The following ABCC4 variants were observed in gnomAD, a reference collection of about 807,000 sequenced individuals.
ABCC4 encodes the protein ATP binding cassette subfamily C member 4 (PEL blood group), also known as ATP-binding cassette sub-family C member 4.
ABCC4 carries 102 observed loss-of-function variants against 168.5 expected under a neutral mutation model. The ratio of observed to expected loss-of-function variants is 0.61; its 90% confidence interval spans 0.52 to 0.71. The LOEUF is 0.71. ABCC4 is among the 30% of genes least tolerant of loss of function. The pLI, the probability that ABCC4 is intolerant of heterozygous loss-of-function variation, is 0.00. For synonymous variants in ABCC4, 617 were observed against 590.7 expected (o/e 1.04, Z -0.65); for missense variants, 1,402 against 1,605.8 (o/e 0.87, Z 2.17).
intron 20 of ABCC4, among the ~76,000 whole-genome samples, chr13:95,085,195 T>C (rs1486232615): frequency 1.3e-5 from 2 of 151,972 alleles, no homozygotes; most frequent in African/African-American, 4.8e-5. Flanking sequence ...TCCCAGCACT[T>C]TGGGAGGCAG....
chr13:95,169,365 T>C (rs56261894), intron 14 of ABCC4, among the ~76,000 whole-genome samples: 3,292 of 152,248 alleles, frequency 0.022, 120 homozygotes, highest in African/African-American at 0.076. Flanking sequence ...AGAGGATCTC[T>C]TAAAATCACA....
At chr13:95,267,755 T>A (rs2040723394) in intron 1 of ABCC4, among the ~76,000 whole-genome samples, 1 of 152,080 alleles carries the variant, frequency 6.6e-6, no homozygotes, top group Admixed American at 6.6e-5. Flanking sequence ...ACATAGTGGG[T>A]CCCTAGCAGC....
chr13:95,245,853 C>G (rs758107855), intron 3 of ABCC4, among the ~76,000 whole-genome samples: 3 of 147,052 alleles, frequency 2.0e-5, no homozygotes, highest in Non-Finnish European at 4.5e-5. Flanking sequence ...AGGAGCAAAC[C>G]CCCCCACATA....
intron 1 of ABCC4, among the ~76,000 whole-genome samples, chr13:95,275,217 G>A (rs566210994): frequency 6.6e-6 from 1 of 152,240 alleles, no homozygotes; most frequent in South Asian, 2.1e-4. Context: ...GAAGTTTGGA[G>A]AGGAAGGGCA....
chr13:95,292,289 G>A (rs1396226184), intron 1 of ABCC4, among the ~76,000 whole-genome samples: 1 of 152,174 alleles, frequency 6.6e-6, no homozygotes, highest in East Asian at 1.9e-4. Flanking sequence ...AGCCCAGGAG[G>A]TGAAAGTTGC....
At chr13:95,167,155 T>A (rs1054714131) in intron 14 of ABCC4, among the ~76,000 whole-genome samples, 2 of 151,278 alleles carry the variant, frequency 1.3e-5, no homozygotes, top group African/African-American at 4.9e-5. Flanking sequence ...CCAGCCTGGA[T>A]GACAAGAGCG....
At chr13:95,193,376 C>A (rs1303517311) in intron 9 of ABCC4, among the ~76,000 whole-genome samples, 1 of 152,190 alleles carries the variant, frequency 6.6e-6, no homozygotes, top group Non-Finnish European at 1.5e-5. Flanking sequence ...AGAAGAGACC[C>A]TCGCCCTCTG....
intron 1 of ABCC4, among the ~76,000 whole-genome samples, chr13:95,268,888 C>T (rs2040762640): frequency 1.3e-5 from 2 of 152,028 alleles, no homozygotes; most frequent in Admixed American, 1.3e-4. Context: ...AGCGGCGGTC[C>T]CCTGGGCCCA....
intron 17 of ABCC4, 72 bp from the exon 18 acceptor site, chr13:95,163,288 A>T (rs2037159072): frequency 9.2e-7 from 1 of 1,085,466 alleles, no homozygotes; most frequent in Non-Finnish European, 1.4e-6. Flanking sequence ...TTTAAAAATG[A>T]ACCACAATTT....
At chr13:95,094,095 C>A (rs1031832757) in intron 20 of ABCC4, among the ~76,000 whole-genome samples, 10 of 151,976 alleles carry the variant, frequency 6.6e-5, no homozygotes, top group African/African-American at 2.4e-4. Context: ...GTGAAAATGA[C>A]CATACTGCCA....
At chr13:95,196,604 G>A (rs1225141514) in intron 8 of ABCC4, among the ~76,000 whole-genome samples, 2 of 6,866 alleles carry the variant, frequency 2.9e-4, no homozygotes, top group East Asian at 6.0e-3. Flanking sequence ...AAGGAAGGAA[G>A]GAAGGAAGGA....
intron 20 of ABCC4, chr13:95,096,217 C>T: frequency 1.6e-6 from 1 of 621,996 alleles, no homozygotes; most frequent in Non-Finnish European, 2.8e-6. Flanking sequence ...AATGGGCTGG[C>T]AGCAGATTGG....
chr13:95,087,519 T>C (rs1200575729), intron 20 of ABCC4, among the ~76,000 whole-genome samples: 1 of 152,136 alleles, frequency 6.6e-6, no homozygotes, highest in Non-Finnish European at 1.5e-5. Context: ...CTCAATGAAA[T>C]GACTAACATA....
chr13:95,272,798 G>A (rs2040877538), intron 1 of ABCC4, among the ~76,000 whole-genome samples: 1 of 152,132 alleles, frequency 6.6e-6, no homozygotes, highest in Admixed American at 6.5e-5. Context: ...TGAGACAGGG[G>A]AATCGCTTGA....
intron 20 of ABCC4, among the ~76,000 whole-genome samples, chr13:95,108,220 C>T (rs1306642006): frequency 2.0e-5 from 3 of 152,170 alleles, no homozygotes; most frequent in African/African-American, 7.2e-5. Flanking sequence ...ACCACAATTT[C>T]TGAAAGGTTT....
Position 95,188,516 on chromosome 13 carries a change from G to T in ABCC4, c.1290C>A (p.Gly430=). ...DKASETPTLQ[G]LSFTVRPGEL... Reference sequence around the variant, plus strand: ...CGCCAGGTCTGACAGTAAAGGAAAGGCCTTGTAGAGTTGGGGTCTCTGATG... The same window carrying T: ...CGCCAGGTCTGACAGTAAAGGAAAGTCCTTGTAGAGTTGGGGTCTCTGATG... The change falls in exon 10 of 31, where the codon GGC becomes GGA. Residue 430 remains glycine (G), a synonymous_variant. Coordinates refer to ENST00000645237, the MANE Select transcript of ABCC4 (RefSeq NM_005845.5). The T allele has an allele frequency of 1.2e-6, 2 of 1,613,586 alleles. No individual in the cohort carries two copies. Among genetic ancestry groups the T allele is most frequent in the Non-Finnish European group, 1.7e-6 (2 of 1,179,592 alleles).
At chr13:95,082,761 TC>T (rs2034138294) in intron 21 of ABCC4, among the ~76,000 whole-genome samples, 1 of 152,206 alleles carries the variant, frequency 6.6e-6, no homozygotes, top group Non-Finnish European at 1.5e-5. Flanking sequence ...TTATTTTCCT[TC>T]TATATTAGTT....
At chr13:95,056,958 A>AT (rs5805899) in intron 26 of ABCC4, among the ~76,000 whole-genome samples, 54,571 of 152,062 alleles carry the variant, frequency 0.36, 11,346 homozygotes, top group South Asian at 0.59. Flanking sequence ...AGTTGAAAAC[A>AT]TTTATTTGTG....
intron 1 of ABCC4, among the ~76,000 whole-genome samples, chr13:95,299,119 C>T (rs2041610650): frequency 6.6e-6 from 1 of 151,802 alleles, no homozygotes; most frequent in African/African-American, 2.4e-5. Flanking sequence ...ATTATCCGGG[C>T]ATGGTGACAC....
Sources: allele counts gnomAD v4.1 joint callset (sites outside exome capture counted in the v4.1 genomes callset), GRCh38; gene constraint gnomAD v4.1.1; transcripts MANE v1.5; gene names NCBI Gene and HGNC (gene_info 2026-07-23, HGNC 2026-07-21).